Variants in RSF1 observed in about 807,000 individuals in gnomAD.
RSF1 encodes the protein HBV pX-associated protein 8.
A neutral mutation model predicts 145.2 loss-of-function variants in RSF1; 13 were observed. The observed-to-expected ratio is 0.09, with a 90% CI of 0.06 to 0.14. The LOEUF (loss-of-function observed/expected upper bound fraction) is 0.14. RSF1 is among the 10% of genes least tolerant of loss of function. The pLI is 1.00. For synonymous variants in RSF1, 577 were observed against 592.6 expected, an observed-to-expected ratio of 0.97 and a Z score of 0.38; for missense variants, 1,517 against 1,718.2, an observed-to-expected ratio of 0.88 and a Z score of 2.07.
intron 2 of RSF1, among the ~76,000 whole-genome samples, chr11:77,747,620 C>T (rs552174455): frequency 6.6e-6 from 1 of 152,296 alleles, no homozygotes; most frequent in South Asian, 2.1e-4. Context: ...ACTTATGTAA[C>T]TTGGCTTTAA....
At chr11:77,757,567 A>C (rs1948128225) in intron 2 of RSF1, among the ~76,000 whole-genome samples, 2 of 152,050 alleles carry the variant, frequency 1.3e-5, no homozygotes, top group South Asian at 2.1e-4. Context: ...AATCCCAGCT[A>C]CTTGGGAGGC....
intron 2 of RSF1, among the ~76,000 whole-genome samples, chr11:77,755,847 G>A (rs1232827039): frequency 2.0e-5 from 3 of 152,048 alleles, no homozygotes; most frequent in Non-Finnish European, 2.9e-5. Flanking sequence ...GAAAGTGCTG[G>A]GATTACCGGT....
At chr11:77,812,633 C>A (rs1378101353) in intron 1 of RSF1, among the ~76,000 whole-genome samples, 1 of 152,144 alleles carries the variant, frequency 6.6e-6, no homozygotes, top group African/African-American at 2.4e-5. Flanking sequence ...TGCCTGTAAT[C>A]CCAGCACTTT....
intron 2 of RSF1, among the ~76,000 whole-genome samples, chr11:77,758,143 A>G (rs1948134467): frequency 6.6e-6 from 1 of 150,526 alleles, no homozygotes; most frequent in African/African-American, 2.4e-5. Flanking sequence ...CTCAGAAGAA[A>G]AAAAAAAAAA....
the RSF1 span, among the ~76,000 whole-genome samples, chr11:77,832,844 C>T: frequency 6.6e-6 from 1 of 151,610 alleles, no homozygotes; most frequent in African/African-American, 2.4e-5. Context: ...CTTTTTGGCA[C>T]AAGGGACCAG....
At chr11:77,785,573 A>G (rs1238084391) in intron 1 of RSF1, among the ~76,000 whole-genome samples, 1 of 149,346 alleles carries the variant, frequency 6.7e-6, no homozygotes, top group African/African-American at 2.5e-5. Context: ...CCAGGCAACA[A>G]GAGCGAAACT....
chr11:77,801,000 C>T (rs973204311), intron 1 of RSF1, among the ~76,000 whole-genome samples: 2 of 149,100 alleles, frequency 1.3e-5, no homozygotes, highest in Non-Finnish European at 3.0e-5. Context: ...GCCAGGCCTT[C>T]TCTCTCTCTC....
upstream of RSF1, among the ~76,000 whole-genome samples, chr11:77,821,782 T>G (rs1188083396): frequency 6.6e-6 from 1 of 152,052 alleles, no homozygotes; most frequent in East Asian, 1.9e-4. Flanking sequence ...CTACCAATAA[T>G]GTAAAATAGA....
At chr11:77,848,307 G>A in the RSF1 span, among the ~76,000 whole-genome samples, 1 of 152,040 alleles carries the variant, frequency 6.6e-6, no homozygotes, top group Admixed American at 6.6e-5. Context: ...CTTTAGTGCT[G>A]TATATTTCTA....
At chr11:77,692,233 ATT>A (rs71046904) in intron 8 of RSF1, among the ~76,000 whole-genome samples, 74 of 49,462 alleles carry the variant, frequency 1.5e-3, no homozygotes, top group African/African-American at 7.5e-3. Context: ...CTACTTTTAA[ATT>A]TTTTTTTTTT....
In RSF1 at chr11:77,663,004, GAA is replaced by G. The variant is rs756444276; in HGVS notation, c.*3911_*3912del. 6.9e-6 allele frequency: 1 copy of G among 145,000 alleles called. No homozygotes were observed. Among genetic ancestry groups the G allele is most frequent in the Non-Finnish European group, 1.5e-5 (1 of 65,404 alleles). 9.0% of individuals were successfully genotyped at this position (145,000 alleles called of 1,614,324 possible). A position where few individuals can be genotyped will look rare whatever the true frequency, so the allele number is the denominator to read the frequency against. On this transcript the variant is annotated 3_prime_UTR_variant, in exon 16 of 16. Coordinates refer to ENST00000308488, the MANE Select transcript of RSF1 (RefSeq NM_016578.4). ...TTTTTATTTTTTCTGATACTTATCT[GAA>G]GTGTGTGCGTGTGCACACACACACA...
At chr11:77,826,874 G>A in the RSF1 span, among the ~76,000 whole-genome samples, 2 of 152,170 alleles carry the variant, frequency 1.3e-5, no homozygotes, top group African/African-American at 2.4e-5. Flanking sequence ...AGAGGCCGAG[G>A]TGGGCAGAAC....
At position 77,737,621 on chromosome 11, in the gene RSF1, G is replaced by GGGT. The variant is rs1491534916; in HGVS notation, c.578+3109_578+3110insACC. Among the ~76,000 whole-genome samples the GGGT allele has an allele frequency of 5.3e-5, 5 of 93,496 alleles. No individual in the cohort carries two copies. In the East Asian group the frequency reaches 8.4e-4, roughly 16 times the overall value. The allele number at this position is 93,496 out of a possible 152,430, so 61.3% of individuals were successfully genotyped here. On this transcript the variant is annotated intron_variant, in intron 4 of 15. Transcript: ENST00000308488. ...GAAAGAAGTTTTATGTGTTTTGGGG[G>GGGT]GTGTGTGTGTGTGTGTGTGTGTGTG...
At chr11:77,842,679 C>A in the RSF1 span, 4 of 1,598,922 alleles carry the variant, frequency 2.5e-6, no homozygotes, top group Non-Finnish European at 3.4e-6. Flanking sequence ...CAAGTGATTT[C>A]CAACTTCCTA....
intron 4 of RSF1, chr11:77,734,960 G>C: frequency 6.3e-7 from 1 of 1,596,598 alleles, no homozygotes; most frequent in Non-Finnish European, 8.5e-7. Context: ...TTGATCTGGC[G>C]GTTGATGGCG....
intron 1 of RSF1, among the ~76,000 whole-genome samples, chr11:77,800,803 A>G (rs994055746): frequency 2.0e-5 from 3 of 152,208 alleles, no homozygotes; most frequent in African/African-American, 7.2e-5. Context: ...TCAAGGCTGA[A>G]GGGAGGTATG....
intron 1 of RSF1, among the ~76,000 whole-genome samples, chr11:77,814,694 C>G (rs939510027): frequency 6.6e-6 from 1 of 152,170 alleles, no homozygotes; most frequent in African/African-American, 2.4e-5. Context: ...GATCCGCCGC[C>G]TGGGCCTCCC....
Position 77,661,289 on chromosome 11 carries a change from G to C in RSF1, c.*5628C>G, listed in dbSNP as rs1382736068. On this transcript the variant is annotated 3_prime_UTR_variant, in exon 16 of 16. Coordinates refer to ENST00000308488, the MANE Select transcript of RSF1 (RefSeq NM_016578.4). ...AGATACCATCTCAAGAAGCTACTTT[G>C]AAAGAGAATAGAACACCAGACTAAC... is the stretch of plus-strand genomic sequence containing the variant. 1 of 152,128 alleles carries C rather than the reference G, an allele frequency of 6.6e-6. No homozygotes were observed. The highest frequency in any genetic ancestry group is 1.5e-5 in the Non-Finnish European group (1 of 68,006). 9.4% of individuals were successfully genotyped at this position (152,128 alleles called of 1,614,324 possible). A position where few individuals can be genotyped will look rare whatever the true frequency, so the allele number is the denominator to read the frequency against.
Position 77,702,267 on chromosome 11 carries a change from G to A in RSF1, c.962C>T (p.Pro321Leu). ...ACATTCCTTCACCTCAACTTTAATGGGTTTGACATTTTCCTTGAAGGAATC... is the reference window on the plus strand; with the variant it reads ...ACATTCCTTCACCTCAACTTTAATGAGTTTGACATTTTCCTTGAAGGAATC... Reference protein sequence around the residue: ...ESDSFKENVKPIKVEVKECRA... With the variant: ...ESDSFKENVKLIKVEVKECRA... Residue 321 changes from proline (P) to leucine (L), a missense_variant, in exon 6 of 16, where the codon CCC (proline) becomes CTC (leucine). Pro to Leu is a moderately conservative substitution (Grantham distance 98). Transcript: ENST00000308488. 6.2e-7 allele frequency: 1 copy of A among 1,608,906 alleles called. No individual in the cohort carries two copies. Among genetic ancestry groups the A allele is most frequent in the Non-Finnish European group, 8.5e-7 (1 of 1,178,764 alleles).
Sources: gnomAD v4.1 joint callset for allele counts (sites outside exome capture counted in the v4.1 genomes callset) on GRCh38, gnomAD v4.1.1 for gene constraint, MANE v1.5 for transcripts, NCBI Gene and HGNC (gene_info 2026-07-23, HGNC 2026-07-21) for gene names.